The following HNRNPA3 variants were observed in gnomAD, a reference collection of about 807,000 sequenced individuals.
HNRNPA3 encodes the protein heterogeneous nuclear ribonucleoprotein A3, also known as epididymis secretory sperm binding protein.
Under a neutral mutation model 45.8 loss-of-function variants are expected in HNRNPA3, and 3 were observed. That is an observed-to-expected ratio of 0.07 (90% CI 0.03 to 0.17). The LOEUF is 0.17. HNRNPA3 is among the 10% of genes least tolerant of loss of function. The pLI is 1.00. For synonymous variants in HNRNPA3, 170 were observed against 155.6 expected, an observed-to-expected ratio of 1.09 and a Z score of -0.69; for missense variants, 183 against 480.3, an observed-to-expected ratio of 0.38 and a Z score of 5.79.
chr2:177,214,244 A>G (rs1375455860), intron 1 of HNRNPA3, among the ~76,000 whole-genome samples: 1 of 152,268 alleles, frequency 6.6e-6, no homozygotes, highest in African/African-American at 2.4e-5. Context: ...CAGACAATAC[A>G]TACCATTCCT....
At chr2:177,222,768 G>A (rs1450017751), downstream of HNRNPA3, 2 of 152,628 alleles carry the variant, frequency 1.3e-5, no homozygotes, top group Non-Finnish European at 2.9e-5. Flanking sequence ...CAGCCTGGGT[G>A]ACCCCATCTC....
chr2:177,219,178 C>T lies in HNRNPA3; in HGVS notation c.1084+19C>T, dbSNP rs1553485481. ...TATGGTGGTAAGTACTTTCTTAAAT[C>T]AATTCTTTAGAGCCTTTTTAATTTA... On this transcript the variant is annotated intron_variant, in intron 9 of 10. Coordinates refer to ENST00000392524, the Ensembl canonical transcript of HNRNPA3. The T allele has an allele frequency of 6.2e-7, 1 of 1,611,522 alleles. No individual in the cohort carries two copies. Among genetic ancestry groups the T allele is most frequent in the Admixed American group, 1.7e-5 (1 of 59,480 alleles).
At chr2:177,217,181 C>G (rs1055380476) in intron 7 of HNRNPA3, among the ~76,000 whole-genome samples, 7 of 151,740 alleles carry the variant, frequency 4.6e-5, no homozygotes, top group Admixed American at 4.6e-4. Flanking sequence ...CTATATTTTT[C>G]TTAGTGAAAT....
chr2:177,221,139 G>GTTC (rs1252976918), downstream of HNRNPA3: 1 of 152,588 alleles, frequency 6.6e-6, no homozygotes, highest in Admixed American at 6.5e-5. Flanking sequence ...ACCAATAAAT[G>GTTC]TAACAGACAT....
chr2:177,218,031 A>ATGTACTCAG (rs1486222197), intron 8 of HNRNPA3, among the ~76,000 whole-genome samples, 186 bp downstream of exon 8: 9 of 149,670 alleles, frequency 6.0e-5, no homozygotes, highest in African/African-American at 2.2e-4. Context: ...AAATGTACAA[A>ATGTACTCAG]TGTACTCAGC....
At chr2:177,223,556 T>A (rs1369501818), downstream of HNRNPA3, 1 of 152,180 alleles carries the variant, frequency 6.6e-6, no homozygotes, top group Non-Finnish European at 1.5e-5. Context: ...ATTTGTTAAG[T>A]AACTAATTGA....
chr2:177,217,606 A>T (rs1441547815), intron 7 of HNRNPA3, 99 bp from the exon 8 acceptor site: 1 of 1,469,310 alleles, frequency 6.8e-7, no homozygotes, highest in Admixed American at 1.7e-5. Context: ...GAGCCCGGGC[A>T]ACAGAGCAAG....
At chr2:177,223,666 A>C (rs549440465), downstream of HNRNPA3, 5 of 152,226 alleles carry the variant, frequency 3.3e-5, no homozygotes, top group Admixed American at 6.5e-5. Flanking sequence ...GTGAATAAGC[A>C]TGCCAGTGTG....
downstream of HNRNPA3, chr2:177,223,081 T>C (rs1689257617): frequency 1.3e-5 from 2 of 152,554 alleles, no homozygotes; most frequent in Admixed American, 1.3e-4. Context: ...AAAAAATCCT[T>C]TGGAGACATA....
chr2:177,216,441 A>G (rs553533946), intron 4 of HNRNPA3, 62 bp from the exon 5 acceptor site: 13 of 1,215,252 alleles, frequency 1.1e-5, no homozygotes, highest in Non-Finnish European at 1.6e-5. Flanking sequence ...AGGGTATCTC[A>G]TATATGTGCT....
intron 10 of HNRNPA3, 39 bp downstream of exon 10, chr2:177,219,353 T>C (rs1361032653): frequency 7.1e-7 from 1 of 1,417,718 alleles, no homozygotes; most frequent in Non-Finnish European, 9.9e-7. Context: ...GATAAAAGAA[T>C]ATGTGGAACT....
chr2:177,218,349 A>G (rs1018695685), intron 8 of HNRNPA3, among the ~76,000 whole-genome samples: 50 of 152,210 alleles, frequency 3.3e-4, no homozygotes, highest in African/African-American at 1.1e-3. Flanking sequence ...GGCATGAGCC[A>G]CTGCACTCAG....
intron 7 of HNRNPA3, 75 bp from the exon 8 acceptor site, chr2:177,217,630 C>G: frequency 1.3e-6 from 2 of 1,564,928 alleles, no homozygotes; most frequent in Non-Finnish European, 8.8e-7. Flanking sequence ...CAGTCTCTTA[C>G]ACACACACCA....
intron 8 of HNRNPA3, 28 bp downstream of exon 8, chr2:177,217,873 GTTAAATA>G (rs1689012574): frequency 6.6e-7 from 1 of 1,525,562 alleles, no homozygotes; most frequent in African/African-American, 1.4e-5. Flanking sequence ...TTATTTAAAT[GTTAAATA>G]TTCAGTGTTG....
At chr2:177,213,367 G>A (rs946267637) in intron 1 of HNRNPA3, among the ~76,000 whole-genome samples, 1 of 152,244 alleles carries the variant, frequency 6.6e-6, no homozygotes, top group East Asian at 1.9e-4. Context: ...GAGGGAAGAG[G>A]GCGGAGGCGG....
At chr2:177,223,409 AG>A (rs1243420358), downstream of HNRNPA3, 5 of 152,044 alleles carry the variant, frequency 3.3e-5, no homozygotes, top group Non-Finnish European at 1.5e-5. Flanking sequence ...AAAAAAAAAA[AG>A]TTGTTATATA....
At chr2:177,213,519 C>G (rs1029674617) in intron 1 of HNRNPA3, among the ~76,000 whole-genome samples, 2 of 152,204 alleles carry the variant, frequency 1.3e-5, no homozygotes, top group Non-Finnish European at 2.9e-5. Context: ...TCGCAGCATC[C>G]TGTTGGAAAT....
intron 8 of HNRNPA3, 133 bp from the exon 9 acceptor site, chr2:177,218,904 C>T: frequency 9.5e-7 from 1 of 1,050,564 alleles, no homozygotes; most frequent in Non-Finnish European, 1.4e-6. Flanking sequence ...ACATCAGTTA[C>T]CCCAAGTGGT....
intron 7 of HNRNPA3, 38 bp from the exon 8 acceptor site, chr2:177,217,667 A>T: frequency 6.2e-7 from 1 of 1,611,150 alleles, no homozygotes; most frequent in Non-Finnish European, 8.5e-7. Flanking sequence ...CTATACACTT[A>T]AGTTTTTGTG....
Sources: allele counts gnomAD v4.1 joint callset (sites outside exome capture counted in the v4.1 genomes callset), GRCh38; gene constraint gnomAD v4.1.1; transcripts MANE v1.5; gene names NCBI Gene and HGNC (gene_info 2026-07-23, HGNC 2026-07-21).